TUBGCP6: variants seen among roughly 807,000 people sequenced by gnomAD.
TUBGCP6 encodes the protein tubulin gamma complex component 6, also known as gamma-tubulin complex component 6.
A neutral mutation model predicts 175.8 loss-of-function variants in TUBGCP6; 161 were observed. The observed-to-expected ratio is 0.92, with a 90% CI of 0.81 to 1.04. The LOEUF is 1.04. TUBGCP6 is among the 50% of genes least tolerant of loss of function. The pLI is 0.00. For synonymous variants in TUBGCP6, 1,173 were observed against 1,030.5 expected (o/e 1.14, Z -2.65); for missense variants, 2,572 against 2,433.0 (o/e 1.06, Z -1.20).
At chr22:50,242,800 T>C (rs2064856284) in intron 1 of TUBGCP6, among the ~76,000 whole-genome samples, 1 of 152,194 alleles carries the variant, frequency 6.6e-6, no homozygotes, top group Admixed American at 6.5e-5. Flanking sequence ...GAGTATTTTA[T>C]TTTGTTTTAA....
At chr22:50,224,809 C>A (rs555698128) in intron 10 of TUBGCP6, among the ~76,000 whole-genome samples, 23 of 152,140 alleles carry the variant, frequency 1.5e-4, no homozygotes, top group African/African-American at 5.3e-4. Flanking sequence ...TGGCGGGGGT[C>A]AGGGGAGCTT....
chr22:50,221,774 C>G lies in TUBGCP6; in HGVS notation c.2585G>C (p.Gly862Ala). 6.6e-7 allele frequency: 1 copy of G among 1,514,078 alleles called. No homozygotes were observed. Among genetic ancestry groups the G allele is most frequent in the South Asian group, 1.3e-5 (1 of 74,802 alleles). 93.8% of individuals were successfully genotyped at this position (1,514,078 alleles called of 1,614,324 possible). The stretch of plus-strand genomic sequence containing the variant: ...CTTAAGGGGCTGTGGGGTCAGCAGG[C>G]CTGGCCTGTTCCAGCCATCCCAGGC... ...SPAWDGWNRP[G>A]LLTPQPLKPL... Residue 862 changes from glycine to alanine, a missense_variant, in exon 16 of 25, where the codon GGC (glycine) becomes GCC (alanine). Transcript: ENST00000248846.
chr22:50,223,908 C>T (rs1481553280), intron 13 of TUBGCP6: 9 of 549,142 alleles, frequency 1.6e-5, no homozygotes, highest in African/African-American at 9.5e-5. Flanking sequence ...ACGCAGGCCT[C>T]GCCTGGACCC....
At chr22:50,243,680 C>A in intron 1 of TUBGCP6, 39 bp downstream of exon 1, 1 of 1,544,548 alleles carries the variant, frequency 6.5e-7, no homozygotes, top group Non-Finnish European at 8.8e-7. Context: ...ATTTTCCAAA[C>A]CCCGAGAGAG....
intron 3 of TUBGCP6, among the ~76,000 whole-genome samples, chr22:50,232,567 AAG>A (rs941725237): frequency 1.3e-5 from 2 of 151,934 alleles, no homozygotes; most frequent in African/African-American, 2.4e-5. Context: ...AAAAAAAAAA[AAG>A]AGAGTCAGGG....
At position 50,221,655 on chromosome 22, in the gene TUBGCP6, CAGGT is replaced by C; in HGVS notation, c.2700_2703del (p.Pro901TrpfsTer56). 3.9e-6 allele frequency: 6 copies of C among 1,523,404 alleles called. No individual in the cohort carries two copies. The highest frequency in any genetic ancestry group is 5.3e-6 in the Non-Finnish European group (6 of 1,136,128). The allele number at this position is 1,523,404 out of a possible 1,614,324, so 94.4% of individuals were successfully genotyped here. On this transcript the variant is annotated frameshift_variant, in exon 16 of 25. Coordinates refer to ENST00000248846, the MANE Select transcript of TUBGCP6 (RefSeq NM_020461.4). LOFTEE classifies it high-confidence loss of function. ...ACGGACGGCTCAGCCCCTGGGCCCA[CAGGT>C]AGGAAGTCTCCAATGCTGAGGCTGT...
At chr22:50,229,010 G>C (rs1452378375) in intron 4 of TUBGCP6, among the ~76,000 whole-genome samples, 1 of 152,158 alleles carries the variant, frequency 6.6e-6, no homozygotes, top group African/African-American at 2.4e-5. Context: ...AGCCAGACTT[G>C]GCTCAGAACT....
rs767767513 is a variant in TUBGCP6, at chr22:50,217,853, T to C, written c.5369-26A>G. The C allele has an allele frequency of 8.7e-6, 14 of 1,612,158 alleles. No individual in the cohort carries two copies. The South Asian group carries it at 1.5e-4, about 18-fold the overall frequency. On this transcript the variant is annotated intron_variant, in intron 24 of 24. Coordinates refer to ENST00000248846, the MANE Select transcript of TUBGCP6 (RefSeq NM_020461.4). Reference sequence around the variant, plus strand: ...CTGGGGACCAGCGAGCAGCTCAGGCTTTTGCCCACAGTGTGAGCCCCGCCC... The same window carrying C: ...CTGGGGACCAGCGAGCAGCTCAGGCCTTTGCCCACAGTGTGAGCCCCGCCC...
intron 2 of TUBGCP6, among the ~76,000 whole-genome samples, chr22:50,234,307 GCAGCA>G (rs2064734221): frequency 1.1e-5 from 1 of 88,642 alleles, no homozygotes; most frequent in Non-Finnish European, 2.1e-5. Flanking sequence ...CCCACCCATG[GCAGCA>G]TCATCCACAC....
At chr22:50,231,432 C>T (rs560353478) in intron 3 of TUBGCP6, among the ~76,000 whole-genome samples, 48 of 150,806 alleles carry the variant, frequency 3.2e-4, no homozygotes, top group Middle Eastern at 6.8e-3. Flanking sequence ...CCAGCCTGGG[C>T]GACAGAGTGA....
Position 50,218,371 on chromosome 22 carries a change from C to G in TUBGCP6, c.4986G>C (p.Gln1662His). ...GCTTGAACAGCTGCAGCTGACGGAA[C>G]TGCACAGAGCCGGCCATGTGGCTCA... ...ALLSHMAGSV[Q>H]FRQLQLFKHE... Residue 1662 changes from glutamine to histidine, a missense_variant, in exon 23 of 25, where the codon CAG becomes CAC. Coordinates refer to ENST00000248846, the MANE Select transcript of TUBGCP6 (RefSeq NM_020461.4). 1 of 1,613,104 alleles carries G rather than the reference C, an allele frequency of 6.2e-7. No homozygotes were observed. The highest frequency in any genetic ancestry group is 8.5e-7 in the Non-Finnish European group (1 of 1,179,970).
At chr22:50,224,086 G>A in intron 13 of TUBGCP6, 55 bp downstream of exon 13, 1 of 1,511,234 alleles carries the variant, frequency 6.6e-7, no homozygotes, top group Admixed American at 1.7e-5. Flanking sequence ...TTAAGCCAGA[G>A]CTATGGGGCC....
At position 50,229,486 on chromosome 22, in the gene TUBGCP6, TA is replaced by T; in HGVS notation, c.1207del (p.Tyr403MetfsTer8). The T allele has an allele frequency of 1.2e-6, 2 of 1,612,472 alleles. No individual in the cohort carries two copies. The highest frequency in any genetic ancestry group is 1.7e-6 in the Non-Finnish European group (2 of 1,179,570). On this transcript the variant is annotated frameshift_variant, in exon 4 of 25. Coordinates refer to ENST00000248846, the MANE Select transcript of TUBGCP6 (RefSeq NM_020461.4). LOFTEE classifies it high-confidence loss of function. ...ISSLLSEVAE[Y>X]GTCYTRLSHF... is the part of the protein sequence containing the mutation. ...ACTCAGGCGCGTGTAGCAGGTCCCA[TA>T]CTCGGCCACTTCCGAGAGCAGGCTG...
chr22:50,241,121 T>C (rs759981532), intron 1 of TUBGCP6, among the ~76,000 whole-genome samples: 1 of 152,276 alleles, frequency 6.6e-6, no homozygotes, highest in Non-Finnish European at 1.5e-5. Context: ...ATCATTAGTT[T>C]GTAGCAATTG....
At chr22:50,234,931 C>CGGCAGCATCGCCCACACTCCCGTCCAT (rs2064750548) in intron 2 of TUBGCP6, among the ~76,000 whole-genome samples, 1 of 150,006 alleles carries the variant, frequency 6.7e-6, no homozygotes, top group Non-Finnish European at 1.5e-5. Context: ...CCCAGGTCCA[C>CGGCAGCATCGCCCACACTCCCGTCCAT]GGCAGCATCG....
Position 50,218,308 on chromosome 22 carries a change from G to A in TUBGCP6, c.5049C>T (p.Tyr1683=). 1.2e-6 allele frequency: 2 copies of A among 1,613,136 alleles called. No homozygotes were observed. Among genetic ancestry groups the A allele is most frequent in the East Asian group, 2.2e-5 (1 of 44,864 alleles). ...TGACGTGCAGGATCTGGTTGGCGAT[G>A]TAGCCCTGGATGACCTTCACGAAAT... is the stretch of plus-strand genomic sequence containing the variant. The part of the protein sequence containing the change: ...MQHFVKVIQG[Y]IANQILHVTW... Residue 1683 remains tyrosine, a synonymous_variant, in exon 23 of 25, where the codon TAC becomes TAT. Transcript: ENST00000248846.
intron 13 of TUBGCP6, chr22:50,223,000 C>T (rs1424649261): frequency 5.9e-6 from 1 of 169,200 alleles, no homozygotes; most frequent in Admixed American, 5.9e-5. Flanking sequence ...GCAAAACCAA[C>T]ACAAACGCTT....
intron 2 of TUBGCP6, among the ~76,000 whole-genome samples, chr22:50,239,035 G>T (rs1422698149): frequency 6.6e-6 from 1 of 152,210 alleles, no homozygotes; most frequent in African/African-American, 2.4e-5. Context: ...CCCAGCCACT[G>T]CATCCCAGAG....
chr22:50,242,298 AAATC>A (rs751607194), intron 1 of TUBGCP6, among the ~76,000 whole-genome samples: 85 of 152,184 alleles, frequency 5.6e-4, no homozygotes, highest in Non-Finnish European at 1.2e-3. Flanking sequence ...TCAAAAAAAA[AAATC>A]AAATAAAATA....
Sources: gnomAD v4.1 joint callset for allele counts (sites outside exome capture counted in the v4.1 genomes callset) on GRCh38, gnomAD v4.1.1 for gene constraint, MANE v1.5 for transcripts, NCBI Gene and HGNC (gene_info 2026-07-23, HGNC 2026-07-21) for gene names.